Variants in DNAH8 observed in about 807,000 individuals in gnomAD.
DNAH8 encodes dynein axonemal heavy chain 8, also known as axonemal beta dynein heavy chain 8.
In DNAH8, 382 loss-of-function variants were observed where a neutral mutation model predicts 562.1. The observed-to-expected ratio is 0.68, with a 90% CI of 0.63 to 0.74. The LOEUF (loss-of-function observed/expected upper bound fraction) is 0.74, where lower values mean the gene tolerates loss of function less well. DNAH8 is among the 30% of genes least tolerant of loss of function. The pLI is 0.00. For synonymous variants in DNAH8, 1,881 were observed against 1,919.4 expected (o/e 0.98, Z 0.52); for missense variants, 5,203 against 5,620.4 (o/e 0.93, Z 2.37).
intron 91 of DNAH8, among the ~76,000 whole-genome samples, chr6:39,013,715 G>T (rs1766379593): frequency 6.6e-6 from 1 of 152,170 alleles, no homozygotes; most frequent in Non-Finnish European, 1.5e-5. Flanking sequence ...GCTGGGTGTG[G>T]TGGCATGTGC....
chr6:38,914,421 G>A (rs1166084188), intron 67 of DNAH8, among the ~76,000 whole-genome samples: 4 of 89,530 alleles, frequency 4.5e-5, no homozygotes, highest in African/African-American at 1.2e-4. Flanking sequence ...TTTTTTTTGA[G>A]ACAGAGTCTT....
chr6:38,732,310 T>C (rs1004022522), intron 4 of DNAH8, among the ~76,000 whole-genome samples: 4 of 152,182 alleles, frequency 2.6e-5, no homozygotes, highest in African/African-American at 9.7e-5. Flanking sequence ...CAGAACTGTG[T>C]CACATGGCTA....
chr6:38,741,449 C>T (rs1237461801), intron 7 of DNAH8, among the ~76,000 whole-genome samples: 1 of 140,880 alleles, frequency 7.1e-6, no homozygotes, highest in African/African-American at 2.6e-5. Context: ...CAAAAAACTA[C>T]CTCCCCCCCG....
Position 38,850,309 on chromosome 6 carries a change from A to G in DNAH8, c.5258A>G (p.His1753Arg). ...TGGATAAAAATAATGCAGCGAGCTCATGAGAATCCCAATGTGATTAATTGC... is the reference window on the plus strand; with the variant it reads ...TGGATAAAAATAATGCAGCGAGCTCGTGAGAATCCCAATGTGATTAATTGC... The part of the protein sequence containing the change: ...KSWIKIMQRA[H>R]ENPNVINCCV... Residue 1753 changes from histidine to arginine, a missense_variant, in exon 38 of 93, where the codon CAT (histidine) becomes CGT (arginine). His to Arg is a conservative substitution (Grantham distance 29). Transcript: ENST00000327475. 2 of 1,613,626 alleles carry G rather than the reference A, an allele frequency of 1.2e-6. No individual in the cohort carries two copies. The highest frequency in any genetic ancestry group is 1.1e-5 in the South Asian group (1 of 91,058).
At chr6:38,814,798 G>C (rs1664915034) in intron 25 of DNAH8, among the ~76,000 whole-genome samples, 1 of 152,120 alleles carries the variant, frequency 6.6e-6, no homozygotes, top group African/African-American at 2.4e-5. Context: ...GGTAAGGATG[G>C]CAGAAGAGAA....
chr6:38,825,262 G>A (rs74546690), intron 28 of DNAH8, among the ~76,000 whole-genome samples: 345 of 152,202 alleles, frequency 2.3e-3, no homozygotes, highest in Admixed American at 4.5e-3. Flanking sequence ...AGCTCCACAG[G>A]CCTCTTAAGT....
intron 28 of DNAH8, among the ~76,000 whole-genome samples, chr6:38,824,754 C>T (rs537431430): frequency 6.6e-6 from 1 of 151,934 alleles, no homozygotes; most frequent in Non-Finnish European, 1.5e-5. Context: ...ATATGAGACG[C>T]TTAGCATAGT....
At chr6:38,827,048 C>T (rs1773392507) in intron 29 of DNAH8, among the ~76,000 whole-genome samples, 1 of 151,856 alleles carries the variant, frequency 6.6e-6, no homozygotes, top group Admixed American at 6.6e-5. Flanking sequence ...GGGGAGAATC[C>T]ATTCCCTCCT....
chr6:38,791,470 A>ATT (rs1295789736), intron 20 of DNAH8, 85 bp from the exon 21 acceptor site: 7 of 1,449,608 alleles, frequency 4.8e-6, no homozygotes, highest in Non-Finnish European at 2.8e-6. Context: ...TTCTAAATTA[A>ATT]TTTATAACTC....
In DNAH8 at chr6:38,774,973, G is replaced by A. The variant is rs1281755994; in HGVS notation, c.1765-781G>A. On this transcript the variant is annotated intron_variant, in intron 12 of 92. Transcript: ENST00000327475. Reference sequence around the variant, plus strand: ...AGTCCTTCTGGGTGGCCATACACAGGGATTCATATGAATTCTGCTGGCTAT... The same window carrying A: ...AGTCCTTCTGGGTGGCCATACACAGAGATTCATATGAATTCTGCTGGCTAT... Among the ~76,000 whole-genome samples the A allele has an allele frequency of 2.6e-5, 4 of 152,288 alleles. No homozygotes were observed. In the East Asian group the frequency reaches 5.8e-4, roughly 22 times the overall value.
chr6:38,765,291 T>G (rs1263339718), intron 11 of DNAH8, among the ~76,000 whole-genome samples: 1 of 152,232 alleles, frequency 6.6e-6, no homozygotes, highest in Non-Finnish European at 1.5e-5. Flanking sequence ...TTCTTTTCTG[T>G]GCAAAAGCTT....
At chr6:38,993,748 T>C (rs530760855) in intron 88 of DNAH8, among the ~76,000 whole-genome samples, 1 of 152,312 alleles carries the variant, frequency 6.6e-6, no homozygotes, top group Non-Finnish European at 1.5e-5. Flanking sequence ...AGGTCATTAT[T>C]ATCTTCCTCA....
In DNAH8 at chr6:38,866,750, T is replaced by C. The variant is rs372082500; in HGVS notation, c.6586-19T>C. On this transcript the variant is annotated intron_variant, in intron 46 of 92. Coordinates refer to ENST00000327475, the MANE Select transcript of DNAH8 (RefSeq NM_001206927.2). ...GTTTTTCACTAAAGTTGAAAAAAAC[T>C]CACTATATTAATTTTCAGATCATTA... 60 of 1,601,440 alleles carry C rather than the reference T, an allele frequency of 3.7e-5. 1 individual carries two copies. In the African/African-American group the frequency reaches 6.9e-4, roughly 18 times the overall value.
rs192650537 is a variant in DNAH8 at position 38,909,977 on chromosome 6, G to T, written c.9740+233G>T. 1.3e-3 allele frequency among the ~76,000 whole-genome samples: 198 copies of T among 152,334 alleles called. 1 individual carries two copies. The highest frequency in any genetic ancestry group is 1.7e-3 in the Non-Finnish European group (113 of 68,030). Reference sequence around the variant, plus strand: ...ATACCTTTTTATCCTCCAAGCCTCAGAGTAACAGATGCTTAATGAATTACT... The same window carrying T: ...ATACCTTTTTATCCTCCAAGCCTCATAGTAACAGATGCTTAATGAATTACT... On this transcript the variant is annotated intron_variant, in intron 65 of 92. Transcript: ENST00000327475.
intron 88 of DNAH8, among the ~76,000 whole-genome samples, chr6:38,995,372 T>C (rs899014266): frequency 3.3e-5 from 5 of 152,208 alleles, no homozygotes; most frequent in Non-Finnish European, 5.9e-5. Context: ...CTGGAGTTTT[T>C]TGTGGCATCT....
chr6:38,996,429 C>T (rs1561957035), intron 88 of DNAH8, among the ~76,000 whole-genome samples: 2 of 152,206 alleles, frequency 1.3e-5, no homozygotes. Flanking sequence ...GTGACATCCA[C>T]TGGCATGTCT....
At chr6:38,976,280 T>C (rs899500000) in intron 85 of DNAH8, among the ~76,000 whole-genome samples, 1 of 152,194 alleles carries the variant, frequency 6.6e-6, no homozygotes, top group African/African-American at 2.4e-5. Context: ...GAGGCAGAAG[T>C]AGGTGATCTT....
At chr6:38,742,219 A>G (rs747828427) in intron 8 of DNAH8, among the ~76,000 whole-genome samples, 1 of 152,234 alleles carries the variant, frequency 6.6e-6, no homozygotes, top group Non-Finnish European at 1.5e-5. Context: ...AGTCAAAAGT[A>G]AAGTACATCT....
At chr6:38,814,609 C>G (rs1205788549) in intron 25 of DNAH8, among the ~76,000 whole-genome samples, 1 of 152,130 alleles carries the variant, frequency 6.6e-6, no homozygotes, top group Admixed American at 6.6e-5. Flanking sequence ...TGTATTAGCT[C>G]ATGATGTATT....
Sources: allele counts gnomAD v4.1 joint callset (sites outside exome capture counted in the v4.1 genomes callset), GRCh38; gene constraint gnomAD v4.1.1; transcripts MANE v1.5; gene names NCBI Gene and HGNC (gene_info 2026-07-23, HGNC 2026-07-21).